The following SHQ1 variants were observed in gnomAD, a reference collection of about 807,000 sequenced individuals.
The protein encoded by SHQ1 is SHQ1, H/ACA ribonucleoprotein assembly factor, also known as protein SHQ1 homolog.
SHQ1 carries 49 observed loss-of-function variants against 53.8 expected under a neutral mutation model. That is an observed-to-expected ratio of 0.91 (90% CI 0.72 to 1.16). The LOEUF (loss-of-function observed/expected upper bound fraction) is 1.16, where lower values mean the gene tolerates loss of function less well. Among genes scored for constraint, SHQ1 ranks in the 50% most tolerant of loss-of-function variants. The pLI is 0.00. For synonymous variants in SHQ1, 243 were observed against 251.0 expected (o/e 0.97, Z 0.30); for missense variants, 738 against 683.1 (o/e 1.08, Z -0.90).
intron 9 of SHQ1, among the ~76,000 whole-genome samples, chr3:72,798,745 C>T (rs989509789): frequency 6.6e-6 from 1 of 152,202 alleles, no homozygotes; most frequent in Non-Finnish European, 1.5e-5. Flanking sequence ...TGGCTGGAGG[C>T]ACTTAAGAAA....
the SHQ1 span, among the ~76,000 whole-genome samples, chr3:72,736,557 G>A: frequency 2.6e-5 from 4 of 151,216 alleles, no homozygotes; most frequent in African/African-American, 7.3e-5. Flanking sequence ...TTGGGAGGCC[G>A]AGACAGATGG....
At chr3:72,778,225 T>G (rs1326170635) in intron 10 of SHQ1, among the ~76,000 whole-genome samples, 1 of 152,014 alleles carries the variant, frequency 6.6e-6, no homozygotes. Context: ...TTTTGAGAGG[T>G]TGAAATGGGA....
chr3:72,796,760 C>T (rs1706637644), intron 9 of SHQ1, among the ~76,000 whole-genome samples: 1 of 151,932 alleles, frequency 6.6e-6, no homozygotes, highest in African/African-American at 2.4e-5. Context: ...GTGGACGTTG[C>T]AGTGAGCAGA....
chr3:72,750,806 G>C lies in SHQ1; in HGVS notation c.1212C>G (p.Ala404=). Residue 404 remains alanine (A), a synonymous_variant, in exon 11 of 11, where the codon GCC becomes GCG. Coordinates refer to ENST00000325599, the MANE Select transcript of SHQ1 (RefSeq NM_018130.3). ...CCTTTGTAAGGGAGACTTCCTTTAA[G>C]GCTTCTGCAAGAGCTGCCAACTTTT... is the stretch of plus-strand genomic sequence containing the variant. The part of the protein sequence containing the change: ...KSKKLAALAE[A]LKEVSLTKAQ... The C allele has an allele frequency of 6.5e-7, 1 of 1,530,686 alleles. No homozygotes were observed. Among genetic ancestry groups the C allele is most frequent in the Non-Finnish European group, 8.8e-7 (1 of 1,138,388 alleles). 94.8% of individuals were successfully genotyped at this position (1,530,686 alleles called of 1,614,324 possible).
chr3:72,763,713 GTTCAT>G (rs1029730872), intron 10 of SHQ1, among the ~76,000 whole-genome samples: 1 of 152,210 alleles, frequency 6.6e-6, no homozygotes, highest in African/African-American at 2.4e-5. Context: ...GGTGTGATGT[GTTCAT>G]ATGCCAGGGG....
chr3:72,844,091 T>C (rs1708257456), intron 2 of SHQ1, among the ~76,000 whole-genome samples: 1 of 152,226 alleles, frequency 6.6e-6, no homozygotes, highest in Non-Finnish European at 1.5e-5. Flanking sequence ...TACTTTTAAA[T>C]GTCTACTAAA....
chr3:72,831,688 G>C (rs1707825922), intron 5 of SHQ1, among the ~76,000 whole-genome samples: 1 of 152,180 alleles, frequency 6.6e-6, no homozygotes, highest in Non-Finnish European at 1.5e-5. Context: ...GACAATCCTT[G>C]GAAGAAATGC....
chr3:72,789,763 A>G (rs961234313), intron 10 of SHQ1, among the ~76,000 whole-genome samples: 14 of 152,196 alleles, frequency 9.2e-5, no homozygotes, highest in African/African-American at 3.1e-4. Flanking sequence ...GATTCCTACA[A>G]TATAAGGCAG....
At chr3:72,828,649 C>A (rs1017793299) in intron 5 of SHQ1, among the ~76,000 whole-genome samples, 3 of 151,960 alleles carry the variant, frequency 2.0e-5, no homozygotes, top group African/African-American at 7.3e-5. Flanking sequence ...GAGCCAAGAT[C>A]GCACCACTGC....
At chr3:72,804,723 G>A (rs548012087) in intron 9 of SHQ1, among the ~76,000 whole-genome samples, 4 of 152,078 alleles carry the variant, frequency 2.6e-5, no homozygotes, top group Non-Finnish European at 4.4e-5. Flanking sequence ...GGATATGGTG[G>A]CTCACACCTG....
chr3:72,813,609 A>G (rs1397196489), intron 8 of SHQ1, among the ~76,000 whole-genome samples: 2 of 151,800 alleles, frequency 1.3e-5, no homozygotes, highest in South Asian at 4.2e-4. Flanking sequence ...TAAAACTACA[A>G]AATTAGCCGG....
At chr3:72,848,097 C>A (rs564536292) in intron 1 of SHQ1, 101 bp downstream of exon 1, 9 of 1,422,684 alleles carry the variant, frequency 6.3e-6, no homozygotes, top group African/African-American at 5.7e-5. Context: ...CGGGAAAAGG[C>A]ATTCGCGCAA....
At chr3:72,778,194 T>C (rs1008613703) in intron 10 of SHQ1, among the ~76,000 whole-genome samples, 2 of 152,178 alleles carry the variant, frequency 1.3e-5, no homozygotes, top group African/African-American at 4.8e-5. Flanking sequence ...CTCACACCTA[T>C]AATCGATCCA....
intron 9 of SHQ1, among the ~76,000 whole-genome samples, chr3:72,799,530 A>C (rs2106818203): frequency 6.6e-6 from 1 of 152,308 alleles, no homozygotes; most frequent in East Asian, 1.9e-4. Flanking sequence ...ATAAAGTCAA[A>C]TCCCTAGCAA....
At chr3:72,733,309 G>A in the SHQ1 span, among the ~76,000 whole-genome samples, 1 of 151,540 alleles carries the variant, frequency 6.6e-6, no homozygotes, top group African/African-American at 2.4e-5. Flanking sequence ...GGAAACCACT[G>A]CCAGTCCCAT....
chr3:72,743,062 G>C, the SHQ1 span, among the ~76,000 whole-genome samples: 1 of 152,178 alleles, frequency 6.6e-6, no homozygotes, highest in Non-Finnish European at 1.5e-5. Context: ...TACTGCCTGG[G>C]TTGGGTTAGA....
At chr3:72,751,494 G>A (rs1559657334) in intron 10 of SHQ1, among the ~76,000 whole-genome samples, 18 of 97,552 alleles carry the variant, frequency 1.8e-4, no homozygotes, top group Non-Finnish European at 2.5e-4. Flanking sequence ...GTGTGTGTGT[G>A]TGTGTGTGTG....
At chr3:72,765,557 A>ATATTTTTT (rs1491527508) in intron 10 of SHQ1, among the ~76,000 whole-genome samples, 4 of 57,192 alleles carry the variant, frequency 7.0e-5, no homozygotes, top group Admixed American at 2.2e-4. Context: ...ATATATATAT[A>ATATTTTTT]TTTTTTTTTT....
chr3:72,765,557 A>ATATATTTTTTTT (rs1491527508), intron 10 of SHQ1, among the ~76,000 whole-genome samples: 14 of 57,182 alleles, frequency 2.4e-4, no homozygotes, highest in African/African-American at 1.0e-3. Context: ...ATATATATAT[A>ATATATTTTTTTT]TTTTTTTTTT....
Sources: allele counts gnomAD v4.1 joint callset (sites outside exome capture counted in the v4.1 genomes callset), GRCh38; gene constraint gnomAD v4.1.1; transcripts MANE v1.5; gene names NCBI Gene and HGNC (gene_info 2026-07-23, HGNC 2026-07-21).